The following ANGPT1 variants were observed in gnomAD, a reference collection of about 807,000 sequenced individuals.
ANGPT1 encodes the protein angiopoietin 1.
In ANGPT1, 17 loss-of-function variants were observed where a neutral mutation model predicts 62.2. The ratio of observed to expected loss-of-function variants is 0.27; its 90% CI spans 0.19 to 0.41. The LOEUF (loss-of-function observed/expected upper bound fraction) is 0.41, where lower values mean the gene tolerates loss of function less well. Among genes scored for constraint, ANGPT1 ranks in the 10% least tolerant of loss-of-function variants. ANGPT1 has a pLI of 1.00. For missense variants in ANGPT1, 478 were observed against 594.9 expected, an observed-to-expected ratio of 0.80 and a Z score of 2.04; for synonymous variants, 199 against 198.9, an observed-to-expected ratio of 1.00 and a Z score of 0.00.
chr8:107,476,055 T>C (rs750903669), intron 1 of ANGPT1, among the ~76,000 whole-genome samples: 25 of 152,292 alleles, frequency 1.6e-4, no homozygotes, highest in Non-Finnish European at 3.1e-4. Context: ...GAACTAGAAA[T>C]ACCATTTGAC....
At chr8:107,393,765 G>A (rs1346310376) in intron 1 of ANGPT1, among the ~76,000 whole-genome samples, 1 of 152,104 alleles carries the variant, frequency 6.6e-6, no homozygotes, top group African/African-American at 2.4e-5. Context: ...AACTGAGATT[G>A]CACCACTGCA....
chr8:107,346,200 T>C (rs572084696), intron 2 of ANGPT1, among the ~76,000 whole-genome samples: 3 of 152,328 alleles, frequency 2.0e-5, no homozygotes, highest in Admixed American at 6.5e-5. Flanking sequence ...TTTGAACATA[T>C]ATATTTCAGC....
At position 107,324,047 on chromosome 8, in the gene ANGPT1, G is replaced by A. The variant is rs755809573; in HGVS notation, c.576-1919C>T. Among the ~76,000 whole-genome samples the A allele has an allele frequency of 4.6e-5, 7 of 151,774 alleles. No homozygotes were observed. In the East Asian group the frequency reaches 1.2e-3, roughly 25 times the overall value. ...GCCCGCCTCGGCCTCCCAAAGTGCT[G>A]GGATTACAGGCATGAGCCACTGTGC... On this transcript the variant is annotated intron_variant, in intron 3 of 8. Coordinates refer to ENST00000517746, the MANE Select transcript of ANGPT1 (RefSeq NM_001146.5).
At chr8:107,478,634 A>T (rs1028153005) in intron 1 of ANGPT1, among the ~76,000 whole-genome samples, 2 of 152,196 alleles carry the variant, frequency 1.3e-5, no homozygotes, top group Non-Finnish European at 2.9e-5. Flanking sequence ...CATAAAAGAG[A>T]AAATGTTTAA....
chr8:107,351,476 G>A (rs1815929492), intron 1 of ANGPT1, among the ~76,000 whole-genome samples: 1 of 151,958 alleles, frequency 6.6e-6, no homozygotes, highest in Non-Finnish European at 1.5e-5. Context: ...GAAGTGTTCT[G>A]TTATTGGACT....
intron 1 of ANGPT1, among the ~76,000 whole-genome samples, chr8:107,429,734 A>G (rs1035301484): frequency 7.9e-5 from 12 of 151,744 alleles, no homozygotes; most frequent in African/African-American, 2.7e-4. Flanking sequence ...GGTGAGAGAG[A>G]AATTCCTGGA....
At chr8:107,414,442 C>A (rs1045800536) in intron 1 of ANGPT1, among the ~76,000 whole-genome samples, 4 of 151,954 alleles carry the variant, frequency 2.6e-5, no homozygotes, top group Admixed American at 1.3e-4. Flanking sequence ...CACATTATAC[C>A]CTATAAATAT....
intron 1 of ANGPT1, among the ~76,000 whole-genome samples, chr8:107,397,005 G>C (rs775781333): frequency 2.6e-5 from 4 of 152,082 alleles, no homozygotes; most frequent in Non-Finnish European, 5.9e-5. Context: ...AAGAAGAAAG[G>C]GATGCTGGGC....
At chr8:107,366,009 T>C (rs1816265919) in intron 1 of ANGPT1, among the ~76,000 whole-genome samples, 2 of 152,214 alleles carry the variant, frequency 1.3e-5, no homozygotes, top group Admixed American at 6.5e-5. Flanking sequence ...AATGTTTAAT[T>C]TTATTTCATT....
chr8:107,278,573 G>C (rs933119273), intron 7 of ANGPT1, among the ~76,000 whole-genome samples: 2 of 152,116 alleles, frequency 1.3e-5, no homozygotes, highest in African/African-American at 4.8e-5. Flanking sequence ...TTCTAAGCTG[G>C]GGTTGGCTAA....
chr8:107,402,865 A>G (rs1024778772), intron 1 of ANGPT1, among the ~76,000 whole-genome samples: 3 of 152,204 alleles, frequency 2.0e-5, no homozygotes, highest in Non-Finnish European at 4.4e-5. Flanking sequence ...TTACACTACT[A>G]AGAATTTATT....
At chr8:107,473,473 T>A (rs572633236) in intron 1 of ANGPT1, among the ~76,000 whole-genome samples, 1 of 152,152 alleles carries the variant, frequency 6.6e-6, no homozygotes, top group Admixed American at 6.6e-5. Flanking sequence ...AAAGCTCATA[T>A]GAGACATCTT....
chr8:107,381,431 T>C (rs1816634247), intron 1 of ANGPT1, among the ~76,000 whole-genome samples: 1 of 152,194 alleles, frequency 6.6e-6, no homozygotes, highest in Non-Finnish European at 1.5e-5. Context: ...TCATGCTCAC[T>C]GAACCCCTGC....
At chr8:107,471,368 C>A (rs1157891249) in intron 1 of ANGPT1, among the ~76,000 whole-genome samples, 1 of 151,902 alleles carries the variant, frequency 6.6e-6, no homozygotes, top group Non-Finnish European at 1.5e-5. Flanking sequence ...AACACATGGA[C>A]ACAGGGAGGG....
chr8:107,374,719 A>G (rs184181773), intron 1 of ANGPT1, among the ~76,000 whole-genome samples: 19 of 152,296 alleles, frequency 1.2e-4, no homozygotes, highest in Admixed American at 5.2e-4. Context: ...GCACATGGCT[A>G]TTGGCCAAAG....
At chr8:107,382,873 C>T (rs1816665905) in intron 1 of ANGPT1, among the ~76,000 whole-genome samples, 1 of 152,126 alleles carries the variant, frequency 6.6e-6, no homozygotes, top group African/African-American at 2.4e-5. Flanking sequence ...ATGAATTTGC[C>T]TGTGCATCTG....
intron 1 of ANGPT1, among the ~76,000 whole-genome samples, chr8:107,413,696 A>G (rs1810653274): frequency 6.6e-6 from 1 of 151,266 alleles, no homozygotes; most frequent in South Asian, 2.1e-4. Flanking sequence ...TAATTTTAAA[A>G]TATTTTAATG....
chr8:107,460,932 T>C (rs941949972), intron 1 of ANGPT1, among the ~76,000 whole-genome samples: 3 of 152,178 alleles, frequency 2.0e-5, no homozygotes, highest in African/African-American at 7.2e-5. Context: ...TCAAAAATTA[T>C]GAAGTTCCTT....
intron 1 of ANGPT1, among the ~76,000 whole-genome samples, chr8:107,395,523 C>A (rs966330334): frequency 6.6e-6 from 1 of 151,948 alleles, no homozygotes; most frequent in Non-Finnish European, 1.5e-5. Context: ...TTAAAGATGA[C>A]GGTAAACATC....
Sources: gnomAD v4.1 joint callset for allele counts (sites outside exome capture counted in the v4.1 genomes callset) on GRCh38, gnomAD v4.1.1 for gene constraint, MANE v1.5 for transcripts, NCBI Gene and HGNC (gene_info 2026-07-23, HGNC 2026-07-21) for gene names.